Variants in GAA observed in about 807,000 individuals in gnomAD.
GAA encodes the protein lysosomal alpha-glucosidase.
A neutral mutation model predicts 103.9 loss-of-function variants in GAA; 88 were observed. The ratio of observed to expected loss-of-function variants is 0.85; its 90% CI spans 0.71 to 1.01. The LOEUF is 1.01. Among genes scored for constraint, GAA ranks in the 50% least tolerant of loss-of-function variants. The pLI, the probability that GAA is intolerant of heterozygous loss-of-function variation, is 0.00. For synonymous variants in GAA, 572 were observed against 563.1 expected (o/e 1.02, Z -0.22); for missense variants, 1,350 against 1,305.3 (o/e 1.03, Z -0.53).
Position 80,117,727 on chromosome 17 carries a change from C to A in GAA, c.2459C>A (p.Ala820Asp). 6.2e-7 allele frequency: 1 copy of A among 1,610,910 alleles called. No homozygotes were observed. Among genetic ancestry groups the A allele is most frequent in the Non-Finnish European group, 8.5e-7 (1 of 1,179,336 alleles). ...GACACCATCAACGTCCACCTCCGGG[C>A]TGGGTACATCATCCCCCTGCAGGTA... Reference protein sequence around the residue: ...PLDTINVHLRAGYIIPLQGPG... With the variant: ...PLDTINVHLRDGYIIPLQGPG... The change falls in exon 17 of 20, where the codon GCT becomes GAT. Residue 820 changes from alanine (A) to aspartate (D), a missense_variant. Physicochemically the swap from Ala to Asp is moderately radical, Grantham distance 126. Transcript: ENST00000302262.
intron 17 of GAA, among the ~76,000 whole-genome samples, 171 bp from the exon 18 acceptor site, chr17:80,118,022 G>A (rs760789886): frequency 9.9e-5 from 15 of 152,202 alleles, no homozygotes; most frequent in Non-Finnish European, 2.2e-4. Context: ...CTTGAGGTGG[G>A]GAAGGTCTTG....
chr17:80,117,053 G>A lies in GAA; in HGVS notation c.2275G>A (p.Gly759Arg), dbSNP rs138183791. Residue 759 changes from glycine (G) to arginine (R), a missense_variant, in exon 16 of 20, where the codon GGG becomes AGG. Gly to Arg is a moderately radical substitution (Grantham distance 125, BLOSUM62 -2). Transcript: ENST00000302262. ...ALLITPVLQAGKAEVTGYFPL... is the reference protein window; with the variant it reads ...ALLITPVLQARKAEVTGYFPL... ...GCTCATCACCCCAGTGCTCCAGGCC[G>A]GGAAGGCCGAAGTGACTGGCTACTT... 113 of 1,613,540 alleles carry A rather than the reference G, an allele frequency of 7.0e-5. No homozygotes were observed. The African/African-American group carries it at 1.0e-3, about 15-fold the overall frequency.
intron 17 of GAA, among the ~76,000 whole-genome samples, 179 bp downstream of exon 17, chr17:80,117,928 G>C (rs1370251019): frequency 1.3e-5 from 2 of 152,178 alleles, no homozygotes; most frequent in Non-Finnish European, 2.9e-5. Context: ...CCCCACAAAG[G>C]CGTGGAGCAT....
chr17:80,110,729 AT>A lies in GAA; in HGVS notation c.1441del (p.Trp481GlyfsTer39), dbSNP rs1403500889. 1.9e-6 allele frequency: 3 copies of A among 1,613,444 alleles called. No individual in the cohort carries two copies. The African/African-American group carries it at 4.0e-5, about 22-fold the overall frequency. On this transcript the variant is annotated frameshift_variant, in exon 10 of 20. Coordinates refer to ENST00000302262, the MANE Select transcript of GAA (RefSeq NM_000152.5). LOFTEE classifies it high-confidence loss of function. ...CACTGCAGCCTCTCGTTGTCCAGGT[AT>A]GGCCCGGGTCCACTGCCTTCCCCGA... ...ETGQPLIGKV[W>X]PGSTAFPDFT...
chr17:80,103,504 G>C (rs1015797838), intron 1 of GAA, among the ~76,000 whole-genome samples: 12 of 152,152 alleles, frequency 7.9e-5, no homozygotes, highest in East Asian at 1.9e-4. Context: ...AATCGCATGT[G>C]GGTTCCGGCT....
At position 80,112,119 on chromosome 17, in the gene GAA, C is replaced by G; in HGVS notation, c.1754+19C>G. Reference sequence around the variant, plus strand: ...CCCACAGGTGAGGGCCACGTCCCGCCCCACTGGGCTCTGCCCTCACAGCCT... The same window carrying G: ...CCCACAGGTGAGGGCCACGTCCCGCGCCACTGGGCTCTGCCCTCACAGCCT... On this transcript the variant is annotated intron_variant, in intron 12 of 19. Coordinates refer to ENST00000302262, the MANE Select transcript of GAA (RefSeq NM_000152.5). 5 of 1,600,544 alleles carry G rather than the reference C, an allele frequency of 3.1e-6. No homozygotes were observed. Among genetic ancestry groups the G allele is most frequent in the Non-Finnish European group, 4.3e-6 (5 of 1,168,124 alleles).
At chr17:80,117,517 C>T (rs1412252187) in intron 16 of GAA, 83 bp from the exon 17 acceptor site, 26 of 1,524,470 alleles carry the variant, frequency 1.7e-5, no homozygotes, top group South Asian at 9.0e-5. Flanking sequence ...CGTGGAGCCC[C>T]GGGAGATGGA....
Position 80,119,697 on chromosome 17 carries a change from T to TATGC in GAA, c.*368_*371dup. 1 of 338,476 alleles carries TATGC rather than the reference T, an allele frequency of 3.0e-6. No individual in the cohort carries two copies. Among genetic ancestry groups the TATGC allele is most frequent in the Non-Finnish European group, 5.8e-6 (1 of 172,884 alleles). 21.0% of individuals were successfully genotyped at this position (338,476 alleles called of 1,614,324 possible). A position where few individuals can be genotyped will look rare whatever the true frequency, so the allele number is the denominator to read the frequency against. Reference sequence around the variant, plus strand: ...GGGGTGCTCAGGTGGAGGTGTGGGGTATGCACCTGAGCTCCTGCTTCGCGC... The same window carrying TATGC: ...GGGGTGCTCAGGTGGAGGTGTGGGGTATGCATGCACCTGAGCTCCTGCTTCGCGC... On this transcript the variant is annotated 3_prime_UTR_variant, in exon 20 of 20. Coordinates refer to ENST00000302262, the MANE Select transcript of GAA (RefSeq NM_000152.5).
At chr17:80,119,247 T>A in intron 19 of GAA, 25 bp from the exon 20 acceptor site, 1 of 1,612,488 alleles carries the variant, frequency 6.2e-7, no homozygotes, top group Non-Finnish European at 8.5e-7. Context: ...CTCGGGCTGC[T>A]CCATTTGTGC....
At chr17:80,112,780 G>A in intron 13 of GAA, 69 bp downstream of exon 13, 10 of 1,576,162 alleles carry the variant, frequency 6.3e-6, no homozygotes, top group South Asian at 1.2e-5. Flanking sequence ...GCTTGCCGGG[G>A]CCCCCCACCC....
chr17:80,104,998 C>T lies in GAA; in HGVS notation c.412C>T (p.Leu138=). The change falls in exon 2 of 20, where the codon CTG becomes TTG. Residue 138 remains leucine (L), a synonymous_variant. Transcript: ENST00000302262. The surrounding 1 kb of genome is among the most constrained non-coding windows in gnomAD (Gnocchi z 4.0). ...CCCACCCAGCTACCCCAGCTACAAG[C>T]TGGAGAACCTGAGCTCCTCTGAAAT... The part of the protein sequence containing the change: ...FFPPSYPSYK[L]ENLSSSEMGY... 6.2e-7 allele frequency: 1 copy of T among 1,612,960 alleles called. No homozygotes were observed. Among genetic ancestry groups the T allele is most frequent in the Non-Finnish European group, 8.5e-7 (1 of 1,180,018 alleles).
At position 80,112,687 on chromosome 17, in the gene GAA, G is replaced by T. The variant is rs1440511384; in HGVS notation, c.1864G>T (p.Glu622Ter). 1 of 1,610,448 alleles carries T rather than the reference G, an allele frequency of 6.2e-7. No individual in the cohort carries two copies. The highest frequency in any genetic ancestry group is 1.3e-5 in the African/African-American group (1 of 74,908). ...GACGGGGGACGTGTGGAGCTCCTGGGAGCAGCTCGCCTCCTCCGTGCCAGG... is the reference window on the plus strand; with the variant it reads ...GACGGGGGACGTGTGGAGCTCCTGGTAGCAGCTCGCCTCCTCCGTGCCAGG... ...HWTGDVWSSW[E>*]QLASSVPEIL... The change falls in exon 13 of 20, where the codon GAG (glutamate) becomes TAG (stop). Residue 622 changes from glutamate (E) to a stop codon, truncating the protein, a stop_gained. Transcript: ENST00000302262. LOFTEE classifies it high-confidence loss of function.
At position 80,104,847 on chromosome 17, in the gene GAA, C is replaced by G. The variant is rs1052555748; in HGVS notation, c.261C>G (p.Asn87Lys). The G allele has an allele frequency of 6.2e-6, 10 of 1,612,930 alleles. No homozygotes were observed. Among genetic ancestry groups the G allele is most frequent in the Non-Finnish European group, 8.5e-6 (10 of 1,179,944 alleles). ...CCACACAGTGCGACGTCCCCCCCAA[C>G]AGCCGCTTCGATTGCGCCCCTGACA... Reference protein sequence around the residue: ...AVPTQCDVPPNSRFDCAPDKA... With the variant: ...AVPTQCDVPPKSRFDCAPDKA... The change falls in exon 2 of 20, where the codon AAC (asparagine) becomes AAG (lysine). Residue 87 changes from asparagine to lysine, a missense_variant. Asn to Lys is a moderately conservative substitution (Grantham distance 94). Transcript: ENST00000302262. This position sits in a 1 kb window ranked among gnomAD's most constrained non-coding sequence, Gnocchi z 4.0.
intron 11 of GAA, 89 bp downstream of exon 11, chr17:80,111,114 G>T: frequency 1.7e-6 from 2 of 1,183,978 alleles, no homozygotes; most frequent in Non-Finnish European, 2.4e-6. Context: ...TCATCTCTGA[G>T]AAGCAGATGG....
chr17:80,114,957 C>G (rs535633456), intron 15 of GAA, among the ~76,000 whole-genome samples: 1 of 152,312 alleles, frequency 6.6e-6, no homozygotes, highest in African/African-American at 2.4e-5. Flanking sequence ...CTTGTCAGCC[C>G]ATGGCCTCCG....
Position 80,112,696 on chromosome 17 carries a change from GCCT to G in GAA, c.1879_1881del (p.Ser627del), listed in dbSNP as rs1555601478. On this transcript the variant is annotated inframe_deletion, in exon 13 of 20. Transcript: ENST00000302262. ...CGTGTGGAGCTCCTGGGAGCAGCTC[GCCT>G]CCTCCGTGCCAGGTGAGCTCCTACC... is the stretch of plus-strand genomic sequence containing the variant. 6.2e-7 allele frequency: 1 copy of G among 1,608,820 alleles called. No homozygotes were observed. The highest frequency in any genetic ancestry group is 1.1e-5 in the South Asian group (1 of 90,296).
chr17:80,108,559 T>G lies in GAA; in HGVS notation c.1146T>G (p.Ala382=), dbSNP rs1259509761. 6.2e-7 allele frequency: 1 copy of G among 1,612,684 alleles called. No homozygotes were observed. The highest frequency in any genetic ancestry group is 1.3e-5 in the African/African-American group (1 of 74,906). Reference sequence around the variant, plus strand: ...GCCGCTGGGGCTACTCCTCCACCGCTATCACCCGCCAGGTGGTGGAGAACA... The same window carrying G: ...GCCGCTGGGGCTACTCCTCCACCGCGATCACCCGCCAGGTGGTGGAGAACA... ...HLCRWGYSST[A]ITRQVVENMT... The change falls in exon 7 of 20, where the codon GCT becomes GCG. Residue 382 remains alanine, a synonymous_variant. Coordinates refer to ENST00000302262, the MANE Select transcript of GAA (RefSeq NM_000152.5).
In GAA at chr17:80,119,394, T is replaced by G; in HGVS notation, c.*63T>G. On this transcript the variant is annotated 3_prime_UTR_variant, in exon 20 of 20. Transcript: ENST00000302262. ...GTTCCCCAGGGAAGCAGAGCCTGTG[T>G]GCGGGCAGCAGCTGTGTGCGGGCCT... 3 of 1,421,762 alleles carry G rather than the reference T, an allele frequency of 2.1e-6. No individual in the cohort carries two copies. In the South Asian group the frequency reaches 3.4e-5, roughly 16 times the overall value. 88.1% of individuals were successfully genotyped at this position (1,421,762 alleles called of 1,614,324 possible). A position where few individuals can be genotyped will look rare whatever the true frequency, so the allele number is the denominator to read the frequency against.
chr17:80,113,474 G>A (rs2039295555), intron 15 of GAA, 108 bp downstream of exon 15: 2 of 1,093,720 alleles, frequency 1.8e-6, no homozygotes. Context: ...GGACCCAGCA[G>A]GTTGCCGCTG....
Sources: allele counts gnomAD v4.1 joint callset (sites outside exome capture counted in the v4.1 genomes callset), GRCh38; gene constraint gnomAD v4.1.1; non-coding constraint Gnocchi (gnomAD v3.1); transcripts MANE v1.5; gene names NCBI Gene and HGNC (gene_info 2026-07-23, HGNC 2026-07-21).